Variants in DOCK8 observed in about 807,000 individuals in gnomAD.
DOCK8 encodes dedicator of cytokinesis protein 8.
DOCK8 carries 141 observed loss-of-function variants against 245.6 expected under a neutral mutation model. That is an observed-to-expected ratio of 0.57 (90% confidence interval 0.50 to 0.66). The LOEUF is 0.66. DOCK8 is among the 30% of genes least tolerant of loss of function. The pLI is 0.00. For missense variants in DOCK8, 2,965 were observed against 2,603.4 expected (o/e 1.14, Z -3.02); for synonymous variants, 1,168 against 970.2 (o/e 1.20, Z -3.79).
At chr9:211,566 G>A (rs1033844413), upstream of DOCK8, among the ~76,000 whole-genome samples, 10 of 152,194 alleles carry the variant, frequency 6.6e-5, no homozygotes, top group African/African-American at 9.6e-5. Flanking sequence ...GGGCTGGACC[G>A]GAATGAAAGC....
rs112809777 is a variant in DOCK8 at position 215,228 on chromosome 9, C to G, written c.53+199C>G. The G allele has an allele frequency of 3.3e-3, 5,176 of 1,559,210 alleles. 20 individuals are homozygous for G. Among genetic ancestry groups the G allele is most frequent in the Non-Finnish European group, 4.1e-3 (4,791 of 1,156,642 alleles). ...GCGGCGGCTCCTGCGCTGGGCCCGG[C>G]GAGGTCCTCCCCAAGAATCTCGGTG... On this transcript the variant is annotated intron_variant, in intron 1 of 47. Transcript: ENST00000432829.
At chr9:358,334 T>G (rs2052548354) in intron 14 of DOCK8, among the ~76,000 whole-genome samples, 1 of 152,150 alleles carries the variant, frequency 6.6e-6, no homozygotes, top group African/African-American at 2.4e-5. Context: ...CCTCAAACAG[T>G]CCTCCTGCCT....
At chr9:328,991 C>T (rs1258423495) in intron 9 of DOCK8, among the ~76,000 whole-genome samples, 31 of 140,988 alleles carry the variant, frequency 2.2e-4, no homozygotes, top group African/African-American at 8.4e-4. Flanking sequence ...CTCTTGTCAC[C>T]CAGGCTGGAG....
intron 21 of DOCK8, 139 bp downstream of exon 21, chr9:380,074 A>G (rs1000922330): frequency 5.9e-6 from 4 of 680,998 alleles, no homozygotes; most frequent in Non-Finnish European, 9.9e-6. Context: ...GGAGGCTGAG[A>G]TGGCAGGATC....
At chr9:255,398 T>G (rs537337) in intron 1 of DOCK8, among the ~76,000 whole-genome samples, 59,572 of 151,968 alleles carry the variant, frequency 0.39, 12,306 homozygotes, top group East Asian at 0.8. Flanking sequence ...CAGAGCGCGG[T>G]GGCTCATGCC....
rs74681823 is a variant in DOCK8 at position 426,115 on chromosome 9, T to C, written c.4242-770T>C. ...CCTTGCAACTAGATTTGGATGATGA[T>C]ACAAAATATCCCTTTACAGCTTCAC... is the stretch of plus-strand genomic sequence containing the variant. On this transcript the variant is annotated intron_variant, in intron 33 of 47. Coordinates refer to ENST00000432829, the MANE Select transcript of DOCK8 (RefSeq NM_203447.4). Among the ~76,000 whole-genome samples, 42 of 152,222 alleles carry C rather than the reference T, an allele frequency of 2.8e-4. No individual in the cohort carries two copies. The East Asian group carries it at 7.7e-3, about 28-fold the overall frequency.
At chr9:239,497 T>C (rs2047333653) in intron 1 of DOCK8, among the ~76,000 whole-genome samples, 1 of 152,118 alleles carries the variant, frequency 6.6e-6, no homozygotes, top group Non-Finnish European at 1.5e-5. Context: ...AGAAAGGAAA[T>C]ATTGAAAGAG....
chr9:439,023 G>T (rs2056996862), intron 39 of DOCK8, among the ~76,000 whole-genome samples: 2 of 151,884 alleles, frequency 1.3e-5, no homozygotes, highest in Non-Finnish European at 2.9e-5. Context: ...ATCTCCTAAT[G>T]GTTAAAAAGA....
chr9:315,459 G>C lies in DOCK8; in HGVS notation c.742-1584G>C, dbSNP rs189121375. 8.7e-4 allele frequency among the ~76,000 whole-genome samples: 132 copies of C among 152,152 alleles called. 1 individual carries two copies. The highest frequency in any genetic ancestry group is 2.5e-4 in the Non-Finnish European group (17 of 67,980). The stretch of plus-strand genomic sequence containing the variant: ...TGGATCTTGATTTAACAAAATAACA[G>C]TAAAAACAAATTGAGACAGTCAGGG... On this transcript the variant is annotated intron_variant, in intron 6 of 47. Transcript: ENST00000432829.
chr9:311,887 A>G, intron 5 of DOCK8, 67 bp from the exon 6 acceptor site: 2 of 1,589,378 alleles, frequency 1.3e-6, no homozygotes, highest in South Asian at 2.2e-5. Context: ...TGAGACATCC[A>G]AGATTCTTCG....
At chr9:363,302 TGGCAAATTATTAAGGTCATG>T (rs1563965982) in intron 14 of DOCK8, among the ~76,000 whole-genome samples, 1 of 152,214 alleles carries the variant, frequency 6.6e-6, no homozygotes. Flanking sequence ...CCATAACAAG[TGGCAAATTATTAAGGTCATG>T]GGCTGTCTTC....
intron 25 of DOCK8, 133 bp from the exon 26 acceptor site, chr9:399,013 T>C: frequency 2.6e-6 from 2 of 772,212 alleles, no homozygotes. Context: ...ACTCAACTAC[T>C]TCGCCCAGTG....
chr9:355,801 C>T (rs913353774), intron 14 of DOCK8, among the ~76,000 whole-genome samples: 2 of 152,048 alleles, frequency 1.3e-5, no homozygotes, highest in East Asian at 1.9e-4. Context: ...AACTCCCAAC[C>T]GCACACTCAC....
At chr9:235,087 CT>C (rs2047214089) in intron 1 of DOCK8, among the ~76,000 whole-genome samples, 2 of 152,086 alleles carry the variant, frequency 1.3e-5, no homozygotes, top group Non-Finnish European at 2.9e-5. Flanking sequence ...TGTGGATGTC[CT>C]TTCTGTTTGT....
chr9:298,724 C>T (rs145261295), intron 4 of DOCK8, among the ~76,000 whole-genome samples: 21 of 151,718 alleles, frequency 1.4e-4, no homozygotes, highest in African/African-American at 5.1e-4. Context: ...TATTATAACA[C>T]AAAAAGTAAT....
At chr9:418,855 A>G (rs913889447) in intron 30 of DOCK8, among the ~76,000 whole-genome samples, 4 of 152,118 alleles carry the variant, frequency 2.6e-5, no homozygotes, top group South Asian at 2.1e-4. Context: ...TGTTCAGTCT[A>G]TGTGTGTGTA....
At chr9:317,200 T>C in intron 7 of DOCK8, 72 bp downstream of exon 7, 1 of 1,216,232 alleles carries the variant, frequency 8.2e-7, no homozygotes, top group Non-Finnish European at 1.2e-6. Flanking sequence ...GTTGTGTTTA[T>C]TATCAGAGCT....
chr9:400,051 A>G (rs1323838307), intron 26 of DOCK8, among the ~76,000 whole-genome samples: 4 of 107,008 alleles, frequency 3.7e-5, no homozygotes, highest in African/African-American at 1.5e-4. Context: ...CACCTCCACC[A>G]TCACCACCTC....
intron 1 of DOCK8, among the ~76,000 whole-genome samples, chr9:246,475 A>C (rs2047508383): frequency 6.6e-6 from 1 of 152,146 alleles, no homozygotes; most frequent in Non-Finnish European, 1.5e-5. Context: ...AGATCGCACC[A>C]CTGCACTCCA....
Sources: gnomAD v4.1 joint callset for allele counts (sites outside exome capture counted in the v4.1 genomes callset) on GRCh38, gnomAD v4.1.1 for gene constraint, MANE v1.5 for transcripts, NCBI Gene and HGNC (gene_info 2026-07-23, HGNC 2026-07-21) for gene names.